Variants in ADNP observed in about 807,000 individuals in gnomAD.
ADNP encodes the protein activity-dependent neuroprotector homeobox protein.
A neutral mutation model predicts 84.9 loss-of-function variants in ADNP; 4 were observed. That is an observed-to-expected ratio of 0.05 (90% confidence interval 0.02 to 0.11). The LOEUF (loss-of-function observed/expected upper bound fraction) is 0.11. Among genes scored for constraint, ADNP ranks in the 10% least tolerant of loss-of-function variants. The pLI is 1.00. For synonymous variants in ADNP, 554 were observed against 468.1 expected, an observed-to-expected ratio of 1.18 and a Z score of -2.37; for missense variants, 1,132 against 1,326.0, an observed-to-expected ratio of 0.85 and a Z score of 2.27.
At chr20:50,901,609 C>T (rs938357210) in intron 5 of ADNP, among the ~76,000 whole-genome samples, 3 of 152,132 alleles carry the variant, frequency 2.0e-5, no homozygotes, top group Non-Finnish European at 4.4e-5. Context: ...GTCACTTCCC[C>T]AGGCCTCCCA....
chr20:50,925,735 G>A (rs1385365649), intron 2 of ADNP, among the ~76,000 whole-genome samples: 1 of 152,204 alleles, frequency 6.6e-6, no homozygotes, highest in Non-Finnish European at 1.5e-5. Context: ...CAACATAGAA[G>A]GTGTTAACTG....
chr20:50,907,156 T>C (rs1982564417), intron 2 of ADNP, among the ~76,000 whole-genome samples: 1 of 149,358 alleles, frequency 6.7e-6, no homozygotes, highest in Non-Finnish European at 1.5e-5. Context: ...TTAGTAGAGA[T>C]GGGGTTTCAC....
intron 5 of ADNP, among the ~76,000 whole-genome samples, chr20:50,895,413 T>C (rs1317891278): frequency 6.6e-6 from 1 of 152,100 alleles, no homozygotes; most frequent in Non-Finnish European, 1.5e-5. Context: ...ACAGTAAAAA[T>C]ACAATGTAAA....
rs150718032 is a variant in ADNP at position 50,914,540 on chromosome 20, C to T, written c.-89-9691G>A. The T allele has an allele frequency of 1.8e-3, 428 of 234,304 alleles. 2 individuals are homozygous for T. The highest frequency in any genetic ancestry group is 8.6e-3 in the African/African-American group (373 of 43,206). The allele number at this position is 234,304 out of a possible 1,614,324, so 14.5% of individuals were successfully genotyped here. On this transcript the variant is annotated intron_variant, in intron 2 of 5. Coordinates refer to ENST00000621696, the MANE Select transcript of ADNP (RefSeq NM_001282531.3). ...ATAAACATGTTGACTATTGTTCCTG[C>T]TGAGGTTCTTATTCTAAACTTACGG...
Position 50,892,062 on chromosome 20 carries a change from T to G in ADNP, c.2652A>C (p.Glu884Asp). The change falls in exon 6 of 6, where the codon GAA becomes GAC. Residue 884 changes from glutamate (E) to aspartate (D), a missense_variant. By Grantham distance (45) the Glu-to-Asp change is conservative (BLOSUM62 2). This residue lies in a region of ADNP where 381 missense variants were observed against 319.9 expected (regional missense o/e 1.19). Transcript: ENST00000621696. ...AAGGGCTACCACTTTCATTGGATTC[T>G]TCTTCCAAATTTTCAAAACTGTCTG... Reference protein sequence around the residue: ...SSSDSFENLEEESNESGSPFD... With the variant: ...SSSDSFENLEDESNESGSPFD... 1 of 1,614,198 alleles carries G rather than the reference T, an allele frequency of 6.2e-7. No homozygotes were observed. Among genetic ancestry groups the G allele is most frequent in the African/African-American group, 1.3e-5 (1 of 75,056 alleles).
At chr20:50,899,790 A>T (rs1442901624) in intron 5 of ADNP, among the ~76,000 whole-genome samples, 2 of 79,312 alleles carry the variant, frequency 2.5e-5, no homozygotes, top group African/African-American at 4.1e-5. Flanking sequence ...TTAAAAAGTT[A>T]AAAAAAAAAA....
intron 2 of ADNP, among the ~76,000 whole-genome samples, chr20:50,917,202 T>C (rs1238514775): frequency 3.3e-5 from 5 of 152,220 alleles, no homozygotes; most frequent in African/African-American, 9.6e-5. Context: ...TACGTACATC[T>C]GAAAGTGCCA....
intron 2 of ADNP, among the ~76,000 whole-genome samples, chr20:50,911,487 A>G (rs1164936132): frequency 6.6e-6 from 1 of 151,736 alleles, no homozygotes; most frequent in East Asian, 1.9e-4. Context: ...TGGATACACT[A>G]AAACCCAGAT....
rs1203201354 is a variant in ADNP, at chr20:50,928,696, A to T, written c.-135T>A. 6.6e-6 allele frequency: 1 copy of T among 152,252 alleles called. No homozygotes were observed. Among genetic ancestry groups the T allele is most frequent in the African/African-American group, 2.4e-5 (1 of 41,450 alleles). The allele number at this position is 152,252 out of a possible 1,614,324, so 9.4% of individuals were successfully genotyped here. On this transcript the variant is annotated 5_prime_UTR_variant, in exon 2 of 6. Transcript: ENST00000621696. ...GTCCAAAGAGCAAGGCAGGAAACGG[A>T]GTCCAGATCCTCAAAATGGTAGTAC...
intron 5 of ADNP, among the ~76,000 whole-genome samples, chr20:50,898,739 T>C (rs1309291322): frequency 1.3e-5 from 2 of 152,222 alleles, no homozygotes; most frequent in Non-Finnish European, 2.9e-5. Context: ...GATTAAACCA[T>C]GCACAAGAAT....
At chr20:50,907,067 A>C (rs1982555512) in intron 2 of ADNP, among the ~76,000 whole-genome samples, 1 of 147,096 alleles carries the variant, frequency 6.8e-6, no homozygotes, top group Non-Finnish European at 1.5e-5. Context: ...TCCCAGGTTC[A>C]CACCATACTC....
chr20:50,910,609 CT>C (rs936802829), intron 2 of ADNP, among the ~76,000 whole-genome samples: 3 of 152,068 alleles, frequency 2.0e-5, no homozygotes, highest in African/African-American at 4.8e-5. Context: ...GAGTAACTAG[CT>C]TTTTGGTAAG....
rs1984724450 is a variant in ADNP, at chr20:50,931,101, AGGCGGCTTCACCGGCGCGGGC to A, written c.-561_-541del. The A allele has an allele frequency of 6.8e-6, 1 of 146,966 alleles. No homozygotes were observed. Among genetic ancestry groups the A allele is most frequent in the East Asian group, 2.1e-4 (1 of 4,784 alleles). 9.1% of individuals were successfully genotyped at this position (146,966 alleles called of 1,614,324 possible). Reference sequence around the variant, plus strand: ...AGGGAGGAGACGGAGGGTGTGGGAGAGGCGGCTTCACCGGCGCGGGCGGCGGCGGCCGCGCTCCTCTCGCTC... The same window carrying A: ...AGGGAGGAGACGGAGGGTGTGGGAGAGGCGGCGGCCGCGCTCCTCTCGCTC... On this transcript the variant is annotated 5_prime_UTR_variant, in exon 1 of 6. Transcript: ENST00000621696.
chr20:50,899,368 A>G (rs1273106861), intron 5 of ADNP, among the ~76,000 whole-genome samples: 2 of 151,766 alleles, frequency 1.3e-5, no homozygotes, highest in East Asian at 3.9e-4. Flanking sequence ...CTGCCACCAC[A>G]CCTGGCGAAT....
In ADNP at chr20:50,892,014, T is replaced by C. The variant is rs760988106; in HGVS notation, c.2700A>G (p.Glu900=). Residue 900 remains glutamate (E), a synonymous_variant, in exon 6 of 6, where the codon GAA becomes GAG. Transcript: ENST00000621696. ...CTGGGTTATCGTTAGAGATTTTAGGTTCAACTTCAAAAACAGGGTCAAAAG... is the reference window on the plus strand; with the variant it reads ...CTGGGTTATCGTTAGAGATTTTAGGCTCAACTTCAAAAACAGGGTCAAAAG... ...GSPFDPVFEV[E]PKISNDNPEE... is the part of the protein sequence containing the mutation. 2 of 1,614,154 alleles carry C rather than the reference T, an allele frequency of 1.2e-6. No homozygotes were observed.
intron 5 of ADNP, among the ~76,000 whole-genome samples, chr20:50,897,753 C>T (rs905632974): frequency 6.6e-6 from 1 of 152,184 alleles, no homozygotes; most frequent in African/African-American, 2.4e-5. Flanking sequence ...GTGTTTGATA[C>T]TGGGATGAAA....
chr20:50,928,980 A>G (rs1010441015), intron 1 of ADNP, among the ~76,000 whole-genome samples, 155 bp from the exon 2 acceptor site: 3 of 152,200 alleles, frequency 2.0e-5, no homozygotes, highest in African/African-American at 7.2e-5. Flanking sequence ...GGGAAACGAA[A>G]TTTTTACAAT....
intron 2 of ADNP, among the ~76,000 whole-genome samples, chr20:50,915,487 C>T (rs1409813019): frequency 6.6e-6 from 1 of 152,176 alleles, no homozygotes; most frequent in Non-Finnish European, 1.5e-5. Flanking sequence ...AATCACCCCA[C>T]TCAATCTTTT....
intron 4 of ADNP, among the ~76,000 whole-genome samples, chr20:50,903,223 A>G (rs1018036566): frequency 3.9e-5 from 6 of 152,182 alleles, no homozygotes; most frequent in Non-Finnish European, 5.9e-5. Context: ...CCAACAAACC[A>G]TAAGACCTGG....
Sources: gnomAD v4.1 joint callset for allele counts (sites outside exome capture counted in the v4.1 genomes callset) on GRCh38, gnomAD v4.1.1 for gene constraint, gnomAD v4.1.1 regional missense constraint, MANE v1.5 for transcripts, NCBI Gene and HGNC (gene_info 2026-07-23, HGNC 2026-07-21) for gene names.